The following CDK14 variants were observed in gnomAD, a reference collection of about 807,000 sequenced individuals.
The protein encoded by CDK14 is cyclin-dependent kinase 14.
In CDK14, 34 loss-of-function variants were observed where a neutral mutation model predicts 60.7. The ratio of observed to expected loss-of-function variants is 0.56; its 90% confidence interval spans 0.43 to 0.75. CDK14 has a LOEUF of 0.75. Ranked by LOEUF, CDK14 falls within the 30% of genes least tolerant of loss-of-function variation. The pLI, the probability that CDK14 is intolerant of heterozygous loss-of-function variation, is 0.00. For missense variants in CDK14, 482 were observed against 564.1 expected (o/e 0.85, Z 1.47); for synonymous variants, 197 against 203.7 (o/e 0.97, Z 0.28).
At chr7:90,761,734 A>G (rs2116861800) in intron 4 of CDK14, among the ~76,000 whole-genome samples, 1 of 152,346 alleles carries the variant, frequency 6.6e-6, no homozygotes, top group East Asian at 1.9e-4. Context: ...CTCCTGCAAC[A>G]AAGAATTATT....
intron 5 of CDK14, among the ~76,000 whole-genome samples, chr7:90,853,448 A>T (rs985138209): frequency 1.3e-5 from 2 of 152,038 alleles, no homozygotes; most frequent in African/African-American, 4.8e-5. Context: ...GAACTGAGGG[A>T]CTGACTTAGC....
intron 10 of CDK14, among the ~76,000 whole-genome samples, chr7:90,991,616 G>A (rs1260131108): frequency 1.3e-5 from 2 of 152,200 alleles, no homozygotes; most frequent in African/African-American, 4.8e-5. Flanking sequence ...AGCATGTTCT[G>A]CACACTGCTC....
At chr7:91,185,452 A>C (rs1475512781) in intron 14 of CDK14, among the ~76,000 whole-genome samples, 1 of 152,036 alleles carries the variant, frequency 6.6e-6, no homozygotes, top group Non-Finnish European at 1.5e-5. Context: ...ACACAATATA[A>C]AGAGGACATA....
At chr7:91,091,875 T>C (rs1798842965) in intron 12 of CDK14, among the ~76,000 whole-genome samples, 1 of 152,122 alleles carries the variant, frequency 6.6e-6, no homozygotes, top group South Asian at 2.1e-4. Flanking sequence ...GTCTTCAGTT[T>C]CCTACATTAT....
At chr7:90,738,520 A>C (rs1025949540) in intron 3 of CDK14, among the ~76,000 whole-genome samples, 1 of 152,218 alleles carries the variant, frequency 6.6e-6, no homozygotes, top group Admixed American at 6.5e-5. Context: ...GGCCCAGATA[A>C]TTGACGGTTC....
At chr7:91,147,925 TA>T (rs1163898018) in intron 14 of CDK14, among the ~76,000 whole-genome samples, 1 of 152,194 alleles carries the variant, frequency 6.6e-6, no homozygotes, top group Admixed American at 6.5e-5. Flanking sequence ...AGTCAAGTAG[TA>T]AAAAGAGACC....
chr7:91,185,080 A>C (rs957794493), intron 14 of CDK14, among the ~76,000 whole-genome samples: 1 of 149,752 alleles, frequency 6.7e-6, no homozygotes, highest in African/African-American at 2.5e-5. Flanking sequence ...GTGTTTGTTC[A>C]TGTATTCAAT....
chr7:91,164,325 C>A (rs910728910), intron 14 of CDK14, among the ~76,000 whole-genome samples: 12 of 152,096 alleles, frequency 7.9e-5, no homozygotes, highest in African/African-American at 2.7e-4. Context: ...TATATAGTGC[C>A]TATATGCCAG....
At chr7:90,694,370 A>T (rs1033957102) in intron 2 of CDK14, among the ~76,000 whole-genome samples, 1 of 152,224 alleles carries the variant, frequency 6.6e-6, no homozygotes, top group African/African-American at 2.4e-5. Context: ...ATGTCGTTTG[A>T]TTACAAATTA....
intron 2 of CDK14, among the ~76,000 whole-genome samples, chr7:90,642,923 A>G (rs1030319536): frequency 6.6e-6 from 1 of 152,136 alleles, no homozygotes; most frequent in Non-Finnish European, 1.5e-5. Context: ...CTGAATACCC[A>G]CTCTGTGTCA....
chr7:90,743,056 A>C (rs945150278), intron 3 of CDK14, among the ~76,000 whole-genome samples: 15 of 152,136 alleles, frequency 9.9e-5, no homozygotes, highest in African/African-American at 3.6e-4. Context: ...AATTTTGTGC[A>C]TCTATCACAT....
intron 12 of CDK14, among the ~76,000 whole-genome samples, chr7:91,091,921 G>T (rs1798844079): frequency 6.6e-6 from 1 of 151,346 alleles, no homozygotes; most frequent in Non-Finnish European, 1.5e-5. Flanking sequence ...CAGTAGACTG[G>T]TTTTTTTTGC....
chr7:91,020,515 TATA>T (rs1468775041), intron 10 of CDK14, among the ~76,000 whole-genome samples: 16 of 152,192 alleles, frequency 1.1e-4, no homozygotes, highest in African/African-American at 3.9e-4. Context: ...TGCATGAGTA[TATA>T]ATATGTCAGA....
chr7:90,637,870 TC>T (rs1800193441), intron 2 of CDK14, among the ~76,000 whole-genome samples: 1 of 150,634 alleles, frequency 6.6e-6, no homozygotes, highest in African/African-American at 2.5e-5. Context: ...GTTGAATTGA[TC>T]CGTTTACCAT....
chr7:90,902,229 C>T (rs555494893), intron 7 of CDK14, among the ~76,000 whole-genome samples: 97 of 152,114 alleles, frequency 6.4e-4, no homozygotes, highest in African/African-American at 2.1e-3. Context: ...ATTCTTCATG[C>T]AGTAGATAAA....
chr7:90,807,825 C>T (rs900515695), intron 5 of CDK14, among the ~76,000 whole-genome samples: 6 of 152,214 alleles, frequency 3.9e-5, no homozygotes, highest in African/African-American at 1.2e-4. Context: ...AATGTACAAG[C>T]CTCAGTAGCC....
chr7:91,064,767 T>G (rs1191728147), intron 11 of CDK14, among the ~76,000 whole-genome samples: 1 of 152,110 alleles, frequency 6.6e-6, no homozygotes, highest in Non-Finnish European at 1.5e-5. Context: ...TTTAGAGAGT[T>G]TGGATGGGGG....
At chr7:90,769,094 A>G (rs1804682302) in intron 4 of CDK14, among the ~76,000 whole-genome samples, 1 of 152,246 alleles carries the variant, frequency 6.6e-6, no homozygotes, top group Non-Finnish European at 1.5e-5. Context: ...CCTAATTTAC[A>G]GATATGCTAC....
At chr7:91,178,927 A>T (rs575738090) in intron 14 of CDK14, among the ~76,000 whole-genome samples, 266 of 152,246 alleles carry the variant, frequency 1.7e-3, no homozygotes, top group Non-Finnish European at 3.4e-3. Context: ...AGAACTAGAA[A>T]TACCATTTGA....
Sources: allele counts gnomAD v4.1 joint callset (sites outside exome capture counted in the v4.1 genomes callset), GRCh38; gene constraint gnomAD v4.1.1; transcripts MANE v1.5; gene names NCBI Gene and HGNC (gene_info 2026-07-23, HGNC 2026-07-21).